Variants in ARL15 observed in about 807,000 individuals in gnomAD.
The protein encoded by ARL15 is ARF like GTPase 15, also known as ADP-ribosylation factor-like protein 15.
Under a neutral mutation model 25.2 loss-of-function variants are expected in ARL15, and 19 were observed. That is an observed-to-expected ratio of 0.75 (90% CI 0.53 to 1.10). The LOEUF (loss-of-function observed/expected upper bound fraction) is 1.10. Among genes scored for constraint, ARL15 ranks in the 50% least tolerant of loss-of-function variants. ARL15 has a pLI of 0.00. For synonymous variants in ARL15, 94 were observed against 86.8 expected, an observed-to-expected ratio of 1.08 and a Z score of -0.46; for missense variants, 220 against 246.0, an observed-to-expected ratio of 0.89 and a Z score of 0.71.
chr5:54,031,521 G>A (rs1749982505), intron 4 of ARL15, among the ~76,000 whole-genome samples: 1 of 152,160 alleles, frequency 6.6e-6, no homozygotes, highest in Non-Finnish European at 1.5e-5. Context: ...CCCAGCTGTA[G>A]AGGCACTACC....
At chr5:54,264,047 T>C (rs974231013) in intron 1 of ARL15, among the ~76,000 whole-genome samples, 4 of 152,146 alleles carry the variant, frequency 2.6e-5, no homozygotes, top group African/African-American at 9.7e-5. Flanking sequence ...GTTTCTTGAC[T>C]CTGTCTCCAC....
chr5:54,086,379 T>C (rs1225915242), intron 4 of ARL15, among the ~76,000 whole-genome samples: 1 of 152,066 alleles, frequency 6.6e-6, no homozygotes. Context: ...ATCCTGCTCA[T>C]AGGAACTTTA....
chr5:53,897,490 T>G (rs1432078133), intron 4 of ARL15, among the ~76,000 whole-genome samples: 3 of 152,234 alleles, frequency 2.0e-5, no homozygotes, highest in Admixed American at 1.3e-4. Context: ...ATCCATTTAT[T>G]GGTCGGGTTC....
intron 1 of ARL15, among the ~76,000 whole-genome samples, chr5:54,227,761 T>C (rs563007996): frequency 2.0e-5 from 3 of 152,316 alleles, no homozygotes; most frequent in Non-Finnish European, 4.4e-5. Flanking sequence ...TTGAGCACAT[T>C]GAACAATTGT....
intron 4 of ARL15, among the ~76,000 whole-genome samples, chr5:54,048,915 G>A (rs893388819): frequency 6.6e-6 from 1 of 152,074 alleles, no homozygotes; most frequent in Non-Finnish European, 1.5e-5. Flanking sequence ...TGGAGGTCAG[G>A]TGATCAAGGA....
chr5:53,951,490 A>G, intron 4 of ARL15: 1 of 471,016 alleles, frequency 2.1e-6, no homozygotes, highest in South Asian at 1.6e-5. Context: ...TATTTTGTGG[A>G]CTGGCACCAG....
At chr5:54,080,152 C>A (rs1751750264) in intron 4 of ARL15, among the ~76,000 whole-genome samples, 1 of 152,176 alleles carries the variant, frequency 6.6e-6, no homozygotes, top group South Asian at 2.1e-4. Flanking sequence ...GAAGTGTAAT[C>A]ACTTTCAATA....
At chr5:54,234,426 G>C (rs770298672) in intron 1 of ARL15, among the ~76,000 whole-genome samples, 49 of 152,112 alleles carry the variant, frequency 3.2e-4, no homozygotes, top group Non-Finnish European at 5.9e-4. Flanking sequence ...AAGGGGTCCT[G>C]AGACCAAAAA....
At chr5:54,249,446 A>G (rs556548030) in intron 1 of ARL15, among the ~76,000 whole-genome samples, 4 of 152,302 alleles carry the variant, frequency 2.6e-5, no homozygotes, top group Admixed American at 6.5e-5. Context: ...AGAAGAAGAT[A>G]TAAGAGGAAG....
chr5:54,004,785 G>A (rs1186308125), intron 4 of ARL15, among the ~76,000 whole-genome samples: 13 of 145,912 alleles, frequency 8.9e-5, no homozygotes, highest in Non-Finnish European at 1.9e-4. Flanking sequence ...TTGTGTGTGT[G>A]TGCCTGTGTG....
At chr5:54,064,456 G>T (rs1751157944) in intron 4 of ARL15, among the ~76,000 whole-genome samples, 1 of 152,154 alleles carries the variant, frequency 6.6e-6, no homozygotes, top group Non-Finnish European at 1.5e-5. Context: ...AGGTCCTGAG[G>T]CTAACCACAT....
At chr5:54,171,413 A>G (rs1244678241) in intron 2 of ARL15, among the ~76,000 whole-genome samples, 2 of 152,144 alleles carry the variant, frequency 1.3e-5, no homozygotes, top group African/African-American at 4.8e-5. Flanking sequence ...TTTACTATTC[A>G]GGGAGTGTGT....
At chr5:54,018,673 GTC>G (rs952029209) in intron 4 of ARL15, among the ~76,000 whole-genome samples, 1 of 151,640 alleles carries the variant, frequency 6.6e-6, no homozygotes, top group Non-Finnish European at 1.5e-5. Context: ...GATTTTTTTT[GTC>G]TTAGTTTAAA....
intron 1 of ARL15, among the ~76,000 whole-genome samples, chr5:54,240,626 G>A (rs1201801192): frequency 1.3e-5 from 2 of 152,118 alleles, no homozygotes; most frequent in African/African-American, 4.8e-5. Context: ...AATCCTCAAT[G>A]CCTAGCATTG....
chr5:53,889,059 A>G (rs2111888076), intron 4 of ARL15, among the ~76,000 whole-genome samples: 1 of 152,246 alleles, frequency 6.6e-6, no homozygotes, highest in Middle Eastern at 3.4e-3. Context: ...ATAAACCCAA[A>G]TCCAAAAGGA....
chr5:54,122,606 G>A (rs556427932), intron 3 of ARL15, among the ~76,000 whole-genome samples: 1 of 152,238 alleles, frequency 6.6e-6, no homozygotes, highest in Admixed American at 6.5e-5. Context: ...TCAGCGGCTT[G>A]CATGGTTGCA....
At chr5:54,290,063 T>G (rs1294104875) in intron 1 of ARL15, among the ~76,000 whole-genome samples, 2 of 152,070 alleles carry the variant, frequency 1.3e-5, no homozygotes, top group Non-Finnish European at 2.9e-5. Context: ...CTGTGACTTC[T>G]TACTGCAAAT....
intron 4 of ARL15, among the ~76,000 whole-genome samples, chr5:53,924,222 T>A (rs1464391195): frequency 6.6e-6 from 1 of 152,176 alleles, no homozygotes; most frequent in East Asian, 1.9e-4. Context: ...TGCCATTACG[T>A]CTCCTTAGCT....
chr5:53,976,350 T>C (rs1195821028), intron 4 of ARL15, among the ~76,000 whole-genome samples: 1 of 152,208 alleles, frequency 6.6e-6, no homozygotes, highest in Non-Finnish European at 1.5e-5. Context: ...ACCACCCATT[T>C]AGGAAACTAC....
Sources: gnomAD v4.1 joint callset for allele counts (sites outside exome capture counted in the v4.1 genomes callset) on GRCh38, gnomAD v4.1.1 for gene constraint, MANE v1.5 for transcripts, NCBI Gene and HGNC (gene_info 2026-07-23, HGNC 2026-07-21) for gene names.